The following LGR4 variants were observed in gnomAD, a reference collection of about 807,000 sequenced individuals.
The protein encoded by LGR4 is leucine-rich repeat-containing G protein-coupled receptor 4.
A neutral mutation model predicts 84.8 loss-of-function variants in LGR4; 44 were observed. The ratio of observed to expected loss-of-function variants is 0.52; its 90% confidence interval spans 0.41 to 0.67. The LOEUF (loss-of-function observed/expected upper bound fraction) is 0.67. Ranked by LOEUF, LGR4 falls within the 30% of genes least tolerant of loss-of-function variation. The pLI is 0.00. For missense variants in LGR4, 1,032 were observed against 1,131.4 expected, an observed-to-expected ratio of 0.91 and a Z score of 1.26; for synonymous variants, 429 against 434.3, an observed-to-expected ratio of 0.99 and a Z score of 0.15.
intron 4 of LGR4, among the ~76,000 whole-genome samples, chr11:27,386,375 T>A (rs1863188516): frequency 6.6e-6 from 1 of 152,240 alleles, no homozygotes; most frequent in South Asian, 2.1e-4. Flanking sequence ...GGACACTACG[T>A]GCCAGGCAAA....
chr11:27,369,179 G>C (rs759199286), intron 17 of LGR4, 36 bp from the exon 18 acceptor site: 2 of 1,473,116 alleles, frequency 1.4e-6, no homozygotes, highest in Admixed American at 4.5e-5. Flanking sequence ...AGAAATAAAA[G>C]ATAACTTAGA....
intron 2 of LGR4, among the ~76,000 whole-genome samples, chr11:27,405,366 C>A (rs1863586140): frequency 6.6e-6 from 1 of 152,120 alleles, no homozygotes; most frequent in Non-Finnish European, 1.5e-5. Flanking sequence ...AAGGAGTTGT[C>A]TTTGGCCTTC....
At chr11:27,431,320 T>C (rs532449100) in intron 1 of LGR4, among the ~76,000 whole-genome samples, 43 of 152,334 alleles carry the variant, frequency 2.8e-4, no homozygotes, top group African/African-American at 1.0e-3. Flanking sequence ...GTGATTTTGA[T>C]GCACATTCAC....
rs913602630 is a variant in LGR4 at position 27,393,438 on chromosome 11, G to GTA, written c.258-922_258-921dup. On this transcript the variant is annotated intron_variant, in intron 2 of 17. Coordinates refer to ENST00000379214, the MANE Select transcript of LGR4 (RefSeq NM_018490.5). ...CTAAACAGCTAGATTCTGTAACTATGTATATATATATTTTAATGCTCTCTT... is the reference window on the plus strand; with the variant it reads ...CTAAACAGCTAGATTCTGTAACTATGTATATATATATATTTTAATGCTCTCTT... 2.6e-5 allele frequency among the ~76,000 whole-genome samples: 4 copies of GTA among 151,992 alleles called. No homozygotes were observed. The South Asian group carries it at 6.2e-4, about 24-fold the overall frequency.
chr11:27,386,974 G>A (rs1863199962), intron 4 of LGR4, among the ~76,000 whole-genome samples: 1 of 152,162 alleles, frequency 6.6e-6, no homozygotes, highest in Admixed American at 6.5e-5. Flanking sequence ...TGCCTACAGA[G>A]CTGTTTAGGA....
At chr11:27,385,762 C>T (rs1040379620) in intron 4 of LGR4, among the ~76,000 whole-genome samples, 2 of 150,608 alleles carry the variant, frequency 1.3e-5, no homozygotes, top group African/African-American at 4.9e-5. Flanking sequence ...TTTTTAAAAA[C>T]ACTTGCAAAG....
At position 27,472,164 on chromosome 11, in the gene LGR4, C is replaced by T; in HGVS notation, c.139G>A (p.Gly47Arg). 7.0e-7 allele frequency: 1 copy of T among 1,422,406 alleles called. No homozygotes were observed. The highest frequency in any genetic ancestry group is 9.2e-7 in the Non-Finnish European group (1 of 1,089,548). The allele number at this position is 1,422,406 out of a possible 1,614,324, so 88.1% of individuals were successfully genotyped here. ...GDRRVDCSGKGLTAVPEGLSA... is the reference protein window; with the variant it reads ...GDRRVDCSGKRLTAVPEGLSA... ...AGCCCCTCGGGCACGGCCGTCAGCCCCTTCCCGGAGCAGTCCACCCGACGG... is the reference window on the plus strand; with the variant it reads ...AGCCCCTCGGGCACGGCCGTCAGCCTCTTCCCGGAGCAGTCCACCCGACGG... The change falls in exon 1 of 18, where the codon GGG (glycine) becomes AGG (arginine). Residue 47 changes from glycine to arginine, a missense_variant. Physicochemically the swap from Gly to Arg is moderately radical, Grantham distance 125 (BLOSUM62 -2). Coordinates refer to ENST00000379214, the MANE Select transcript of LGR4 (RefSeq NM_018490.5).
intron 1 of LGR4, among the ~76,000 whole-genome samples, chr11:27,446,562 T>C (rs555877183): frequency 7.9e-5 from 12 of 152,174 alleles, no homozygotes; most frequent in Admixed American, 2.0e-4. Flanking sequence ...TGTGGAGAAA[T>C]AGGAACACTT....
In LGR4 at chr11:27,447,959, T is replaced by C. The variant is rs188109054; in HGVS notation, c.185+24159A>G. On this transcript the variant is annotated intron_variant, in intron 1 of 17. Coordinates refer to ENST00000379214, the MANE Select transcript of LGR4 (RefSeq NM_018490.5). ...ATTTAATATACTTCAATGAACCTTA[T>C]AATTCTCACTAATGCTCCATGTTAA... 8.3e-4 allele frequency among the ~76,000 whole-genome samples: 126 copies of C among 152,368 alleles called. 1 individual carries two copies. The highest frequency in any genetic ancestry group is 2.8e-3 in the African/African-American group (118 of 41,592).
At chr11:27,438,091 T>G (rs966169613) in intron 1 of LGR4, among the ~76,000 whole-genome samples, 2 of 152,190 alleles carry the variant, frequency 1.3e-5, no homozygotes, top group African/African-American at 4.8e-5. Context: ...CCTTTGGAAC[T>G]TGTACTGATG....
At chr11:27,391,206 T>C in intron 3 of LGR4, 41 bp from the exon 4 acceptor site, 1 of 1,024,164 alleles carries the variant, frequency 9.8e-7, no homozygotes, top group Non-Finnish European at 1.5e-6. Flanking sequence ...AAGTGATAGT[T>C]ACCATTTTTT....
chr11:27,459,902 C>A (rs1864651930), intron 1 of LGR4, among the ~76,000 whole-genome samples: 1 of 151,992 alleles, frequency 6.6e-6, no homozygotes, highest in Non-Finnish European at 1.5e-5. Flanking sequence ...ACCAGCGGGG[C>A]CAACATAGTG....
intron 13 of LGR4, 32 bp downstream of exon 13, chr11:27,376,267 T>G (rs748432177): frequency 7.7e-7 from 1 of 1,294,150 alleles, no homozygotes; most frequent in Admixed American, 2.0e-5. Flanking sequence ...TGGAAAAAAT[T>G]TATTGTCTTT....
At chr11:27,456,621 T>G (rs1255202923) in intron 1 of LGR4, among the ~76,000 whole-genome samples, 2 of 152,128 alleles carry the variant, frequency 1.3e-5, no homozygotes, top group African/African-American at 4.8e-5. Context: ...CTGATCCTCA[T>G]ATACCATGTA....
intron 1 of LGR4, among the ~76,000 whole-genome samples, chr11:27,454,608 A>C (rs1410783119): frequency 6.6e-6 from 1 of 152,028 alleles, no homozygotes; most frequent in African/African-American, 2.4e-5. Flanking sequence ...AAAAATACTA[A>C]AACTTAGCCA....
At position 27,448,584 on chromosome 11, in the gene LGR4, G is replaced by A. The variant is rs1029079889; in HGVS notation, c.185+23534C>T. 4.6e-5 allele frequency among the ~76,000 whole-genome samples: 7 copies of A among 152,160 alleles called. No homozygotes were observed. The East Asian group carries it at 7.7e-4, about 17-fold the overall frequency. ...TAGGATTACAGGCGTGAGCCACCGCGCCCTGCCTCAGTTGTTCTTTAGCTG... is the reference window on the plus strand; with the variant it reads ...TAGGATTACAGGCGTGAGCCACCGCACCCTGCCTCAGTTGTTCTTTAGCTG... On this transcript the variant is annotated intron_variant, in intron 1 of 17. Transcript: ENST00000379214.
chr11:27,417,335 G>A (rs547778804), intron 1 of LGR4, among the ~76,000 whole-genome samples: 2 of 152,006 alleles, frequency 1.3e-5, no homozygotes, highest in African/African-American at 2.4e-5. Context: ...TCAAATCTTA[G>A]AAATAAATAA....
intron 2 of LGR4, among the ~76,000 whole-genome samples, chr11:27,403,636 T>C (rs1863546628): frequency 6.6e-6 from 1 of 152,206 alleles, no homozygotes; most frequent in Non-Finnish European, 1.5e-5. Context: ...TAGGAGTCTA[T>C]TTTTTAAAGG....
In LGR4 at chr11:27,369,116, A is replaced by C; in HGVS notation, c.1607T>G (p.Leu536Arg). The C allele has an allele frequency of 6.2e-7, 1 of 1,609,242 alleles. No individual in the cohort carries two copies. Among genetic ancestry groups the C allele is most frequent in the Non-Finnish European group, 8.5e-7 (1 of 1,178,302 alleles). The change falls in exon 18 of 18, where the codon CTG (leucine) becomes CGG (arginine). Residue 536 changes from leucine to arginine, a missense_variant. Coordinates refer to ENST00000379214, the MANE Select transcript of LGR4 (RefSeq NM_018490.5). ...AGTAAGACGAATCATCCAGCTTCCCAGTAAATATTCACAGGGCTTAAAAGC... is the reference window on the plus strand; with the variant it reads ...AGTAAGACGAATCATCCAGCTTCCCCGTAAATATTCACAGGGCTTAAAAGC... ...TGAFKPCEYLLGSWMIRLTVW... is the reference protein window; with the variant it reads ...TGAFKPCEYLRGSWMIRLTVW...
Sources: gnomAD v4.1 joint callset for allele counts (sites outside exome capture counted in the v4.1 genomes callset) on GRCh38, gnomAD v4.1.1 for gene constraint, MANE v1.5 for transcripts, NCBI Gene and HGNC (gene_info 2026-07-23, HGNC 2026-07-21) for gene names.